Variants in MBNL3 observed in about 807,000 individuals in gnomAD.
MBNL3 encodes the protein muscleblind-like protein 3.
A neutral mutation model predicts 24.5 loss-of-function variants in MBNL3; 6 were observed. That is an observed-to-expected ratio of 0.25 (90% CI 0.13 to 0.48). MBNL3 has a LOEUF of 0.48. Ranked by LOEUF, MBNL3 falls within the 20% of genes least tolerant of loss-of-function variation. The pLI is 0.99. For missense variants in MBNL3, 230 were observed against 293.5 expected (o/e 0.78, Z 1.58); for synonymous variants, 100 against 101.7 (o/e 0.98, Z 0.10).
upstream of MBNL3, among the ~76,000 whole-genome samples, chrX:132,489,605 T>G (rs1387454776): frequency 9.0e-6 from 1 of 111,364 alleles, no homozygotes; most frequent in East Asian, 2.9e-4. Context: ...GGGCCGCGCC[T>G]CCGTGCGTCC....
intron 1 of MBNL3, among the ~76,000 whole-genome samples, chrX:132,469,613 C>A (rs1185109448): frequency 8.9e-6 from 1 of 111,869 alleles, no homozygotes; most frequent in Non-Finnish European, 1.9e-5. Flanking sequence ...TCAACAATCC[C>A]CTCAATTTAG....
At chrX:132,395,847 A>G (rs1938080499) in intron 3 of MBNL3, among the ~76,000 whole-genome samples, 1 of 111,151 alleles carries the variant, frequency 9.0e-6, no homozygotes, top group African/African-American at 3.3e-5. Flanking sequence ...GATCTCAGCA[A>G]GTTCAAGGAC....
At chrX:132,406,125 G>A in intron 3 of MBNL3, 103 bp downstream of exon 3, 1 of 939,445 alleles carries the variant, frequency 1.1e-6, no homozygotes, top group Non-Finnish European at 1.5e-6. Context: ...GAACATATTA[G>A]TTTGTGTCCT....
chrX:132,488,642 G>A (rs1948134199), intron 1 of MBNL3, among the ~76,000 whole-genome samples: 1 of 111,961 alleles, frequency 8.9e-6, no homozygotes, highest in African/African-American at 3.2e-5. Context: ...AGGGGAGGAG[G>A]AAGAGAAGAG....
intron 3 of MBNL3, 96 bp from the exon 4 acceptor site, chrX:132,392,430 T>C (rs772891451): frequency 3.0e-6 from 2 of 672,346 alleles, no homozygotes; most frequent in East Asian, 3.8e-5. Context: ...AAATTACTTA[T>C]GCCACATCAA....
At chrX:132,445,356 G>A (rs1171372491) in intron 1 of MBNL3, among the ~76,000 whole-genome samples, 2 of 110,491 alleles carry the variant, frequency 1.8e-5, no homozygotes, top group African/African-American at 3.3e-5. Flanking sequence ...CACACGTTCT[G>A]TAAGGAATAT....
intron 2 of MBNL3, among the ~76,000 whole-genome samples, chrX:132,410,204 C>T (rs953553062): frequency 2.7e-5 from 3 of 112,148 alleles, no homozygotes; most frequent in African/African-American, 9.7e-5. Context: ...CAAATGAATA[C>T]AAAGCCTTTA....
chrX:132,448,643 G>C (rs1239001582), intron 1 of MBNL3, among the ~76,000 whole-genome samples: 1 of 111,001 alleles, frequency 9.0e-6, no homozygotes, highest in African/African-American at 3.3e-5. Context: ...AGCTCCTTTA[G>C]TTCTGCTCTG....
chrX:132,396,533 CAT>C (rs1259477456), intron 3 of MBNL3, among the ~76,000 whole-genome samples: 770 of 56,427 alleles, frequency 0.014, 113 homozygotes, highest in African/African-American at 0.061. Context: ...TATATATATT[CAT>C]ATATATATTC....
At chrX:132,457,690 A>G (rs1174012599) in intron 1 of MBNL3, among the ~76,000 whole-genome samples, 2 of 111,608 alleles carry the variant, frequency 1.8e-5, no homozygotes, top group Non-Finnish European at 3.8e-5. Flanking sequence ...ATTTAAAATA[A>G]CAGTATAATC....
intron 2 of MBNL3, among the ~76,000 whole-genome samples, chrX:132,420,861 T>C (rs1197258246): frequency 1.8e-5 from 2 of 110,593 alleles, no homozygotes; most frequent in Non-Finnish European, 3.8e-5. Flanking sequence ...TACTAATAGT[T>C]CTAAAGACAA....
At chrX:132,413,879 A>C (rs972591547) in intron 2 of MBNL3, among the ~76,000 whole-genome samples, 1 of 111,988 alleles carries the variant, frequency 8.9e-6, no homozygotes, top group African/African-American at 3.2e-5. Context: ...GAGGCTTTTA[A>C]GTTTTTTAAG....
intron 5 of MBNL3, 31 bp from the exon 6 acceptor site, chrX:132,386,842 A>C (rs773347396): frequency 8.4e-7 from 1 of 1,194,925 alleles, no homozygotes; most frequent in Admixed American, 2.2e-5. Flanking sequence ...CTAGTACTAG[A>C]GAAAGTAACA....
chrX:132,396,047 G>C (rs886566875), intron 3 of MBNL3, among the ~76,000 whole-genome samples: 5 of 109,711 alleles, frequency 4.6e-5, no homozygotes, highest in Non-Finnish European at 7.6e-5. Flanking sequence ...ATAATATTTA[G>C]TGAAACATGA....
chrX:132,452,333 C>A (rs144618562), intron 1 of MBNL3, among the ~76,000 whole-genome samples: 5,989 of 112,419 alleles, frequency 0.053, 172 homozygotes, highest in Non-Finnish European at 0.085. Flanking sequence ...AAGCTTGACA[C>A]ATTTGGCACT....
intron 1 of MBNL3, among the ~76,000 whole-genome samples, chrX:132,448,114 G>T (rs1327923429): frequency 1.8e-5 from 2 of 111,996 alleles, no homozygotes; most frequent in East Asian, 2.8e-4. Context: ...CTTGATCATG[G>T]TGGATAAGCT....
At chrX:132,423,623 G>A (rs889469883) in intron 2 of MBNL3, among the ~76,000 whole-genome samples, 1 of 112,013 alleles carries the variant, frequency 8.9e-6, no homozygotes, top group Non-Finnish European at 1.9e-5. Context: ...GCACCCTGCA[G>A]CGAGGAAGTA....
intron 2 of MBNL3, among the ~76,000 whole-genome samples, chrX:132,421,471 C>T (rs1206396851): frequency 1.8e-5 from 2 of 111,493 alleles, no homozygotes. Context: ...GTCAAACAGT[C>T]GCTGTTCCCA....
At chrX:132,442,732 G>A (rs191680359) in intron 1 of MBNL3, among the ~76,000 whole-genome samples, 64 of 112,978 alleles carry the variant, frequency 5.7e-4, no homozygotes, top group Admixed American at 4.8e-3. Flanking sequence ...TTCAGAGATA[G>A]GGGAAGAAGG....
Sources: allele counts gnomAD v4.1 joint callset (sites outside exome capture counted in the v4.1 genomes callset), GRCh38; gene constraint gnomAD v4.1.1; transcripts MANE v1.5; gene names NCBI Gene and HGNC (gene_info 2026-07-23, HGNC 2026-07-21).